The following SHTN1 variants were observed in gnomAD, a reference collection of about 807,000 sequenced individuals.
SHTN1 encodes shootin-1.
A neutral mutation model predicts 83.1 loss-of-function variants in SHTN1; 42 were observed. The ratio of observed to expected loss-of-function variants is 0.51; its 90% confidence interval spans 0.39 to 0.65. The LOEUF is 0.65. SHTN1 is among the 30% of genes least tolerant of loss of function. The pLI is 0.00. For missense variants in SHTN1, 622 were observed against 737.8 expected, an observed-to-expected ratio of 0.84 and a Z score of 1.82; for synonymous variants, 224 against 247.7, an observed-to-expected ratio of 0.90 and a Z score of 0.90.
In SHTN1 at chr10:116,917,874, A is replaced by G. The variant is rs561682223; in HGVS notation, c.1196-2390T>C. ...AAAGGCTTAATTGGTTTTAAGGAAA[A>G]GGAATCATTCTTATCAGATTCCCTA... On this transcript the variant is annotated intron_variant, in intron 12 of 16. Coordinates refer to ENST00000355371, the MANE Select transcript of SHTN1 (RefSeq NM_001127211.3). 3.9e-5 allele frequency among the ~76,000 whole-genome samples: 6 copies of G among 152,328 alleles called. No homozygotes were observed. In the East Asian group the frequency reaches 1.2e-3, roughly 29 times the overall value.
chr10:117,092,045 C>T (rs1416565130), intron 1 of SHTN1, among the ~76,000 whole-genome samples: 1 of 152,150 alleles, frequency 6.6e-6, no homozygotes, highest in Non-Finnish European at 1.5e-5. Flanking sequence ...ATGAGGAAAA[C>T]GTCTAAACTA....
chr10:116,929,416 TTAGACACCAAAGATGAAGGTAGTA>T (rs1462718200), intron 10 of SHTN1, among the ~76,000 whole-genome samples: 8 of 152,218 alleles, frequency 5.3e-5, no homozygotes, highest in African/African-American at 1.9e-4. Flanking sequence ...ATGTGTATTA[TTAGACACCAAAGATGAAGGTAGTA>T]TGAACACCAA....
At chr10:116,939,023 G>A (rs1195556049) in intron 9 of SHTN1, among the ~76,000 whole-genome samples, 1 of 152,198 alleles carries the variant, frequency 6.6e-6, no homozygotes, top group African/African-American at 2.4e-5. Flanking sequence ...CCCCCACCAA[G>A]CTCGAGTGTC....
At chr10:117,118,728 G>A (rs1853884914) in intron 1 of SHTN1, among the ~76,000 whole-genome samples, 1 of 152,150 alleles carries the variant, frequency 6.6e-6, no homozygotes, top group Admixed American at 6.5e-5. Flanking sequence ...GCTGAATGAT[G>A]AGAACACATG....
At chr10:117,016,725 T>A (rs929721034) in intron 2 of SHTN1, among the ~76,000 whole-genome samples, 1 of 152,072 alleles carries the variant, frequency 6.6e-6, no homozygotes, top group African/African-American at 2.4e-5. Flanking sequence ...CCTTAATATA[T>A]CAGTTGCACT....
intron 15 of SHTN1, among the ~76,000 whole-genome samples, chr10:116,904,017 G>A (rs1421473076): frequency 6.6e-6 from 1 of 152,178 alleles, no homozygotes; most frequent in Non-Finnish European, 1.5e-5. Context: ...AAAATCCTAA[G>A]GAAAAGGGTA....
chr10:116,905,357 T>A (rs998188418), intron 15 of SHTN1, among the ~76,000 whole-genome samples: 30 of 152,106 alleles, frequency 2.0e-4, no homozygotes, highest in African/African-American at 6.5e-4. Flanking sequence ...AAAACCATCC[T>A]AAGAAAAAAA....
intron 11 of SHTN1, among the ~76,000 whole-genome samples, chr10:116,924,972 G>C (rs1043105974): frequency 6.5e-4 from 99 of 151,920 alleles, no homozygotes; most frequent in Non-Finnish European, 1.1e-3. Flanking sequence ...TAGCCAGGAT[G>C]GTCTCAATCT....
intron 16 of SHTN1, among the ~76,000 whole-genome samples, chr10:116,893,742 T>C (rs1294110260): frequency 6.6e-6 from 1 of 152,098 alleles, no homozygotes; most frequent in Non-Finnish European, 1.5e-5. Context: ...CAAACCTCTC[T>C]TAAGGAATGG....
chr10:116,981,542 C>A (rs2133485685), intron 1 of SHTN1, among the ~76,000 whole-genome samples: 1 of 152,228 alleles, frequency 6.6e-6, no homozygotes, highest in Admixed American at 6.5e-5. Context: ...TTCACTTACA[C>A]CACCACTGGG....
intron 16 of SHTN1, among the ~76,000 whole-genome samples, chr10:116,893,237 G>GA (rs199982355): frequency 6.6e-5 from 10 of 151,778 alleles, no homozygotes; most frequent in African/African-American, 1.7e-4. Flanking sequence ...GCGGGGGAAG[G>GA]AAAAAAAATG....
At chr10:117,040,944 T>G (rs1010130418) in intron 2 of SHTN1, among the ~76,000 whole-genome samples, 2 of 151,894 alleles carry the variant, frequency 1.3e-5, no homozygotes, top group Non-Finnish European at 2.9e-5. Context: ...TATTTTATTT[T>G]ATCTTAAAAT....
intron 2 of SHTN1, among the ~76,000 whole-genome samples, chr10:116,976,605 G>A (rs1413560863): frequency 3.3e-5 from 5 of 152,166 alleles, no homozygotes; most frequent in Non-Finnish European, 7.3e-5. Context: ...AGCTCACCCA[G>A]CCAGGCACAA....
intron 1 of SHTN1, among the ~76,000 whole-genome samples, chr10:117,101,365 T>C (rs1183650557): frequency 2.0e-5 from 3 of 152,134 alleles, no homozygotes; most frequent in African/African-American, 7.2e-5. Flanking sequence ...AAAAAGGTTT[T>C]CTGTCACAAG....
chr10:116,924,629 C>T (rs1848675755), intron 11 of SHTN1, among the ~76,000 whole-genome samples: 1 of 151,964 alleles, frequency 6.6e-6, no homozygotes, highest in Non-Finnish European at 1.5e-5. Context: ...ACCTCTGGGA[C>T]CCATACTCAA....
At chr10:117,008,839 C>T (rs879554822), upstream of SHTN1, among the ~76,000 whole-genome samples, 12 of 152,332 alleles carry the variant, frequency 7.9e-5, no homozygotes, top group Admixed American at 1.3e-4. Context: ...ATTGGCCGGG[C>T]GCTGTGGCTC....
At chr10:117,105,423 A>T (rs1297126564) in intron 1 of SHTN1, among the ~76,000 whole-genome samples, 1 of 152,208 alleles carries the variant, frequency 6.6e-6, no homozygotes, top group Admixed American at 6.5e-5. Context: ...TTAGTTAAGC[A>T]GATTAGGAAT....
chr10:117,023,320 A>G (rs1249104969), intron 2 of SHTN1, among the ~76,000 whole-genome samples: 1 of 152,212 alleles, frequency 6.6e-6, no homozygotes, highest in Non-Finnish European at 1.5e-5. Flanking sequence ...ATGGTCCCAA[A>G]TAAATTTTAG....
At position 117,098,222 on chromosome 10, in the gene SHTN1, A is replaced by T. The variant is rs1479012659; in HGVS notation, c.-189+28085T>A. Among the ~76,000 whole-genome samples the T allele has an allele frequency of 8.3e-5, 4 of 48,462 alleles. No individual in the cohort carries two copies. The East Asian group carries it at 2.3e-3, about 28-fold the overall frequency. 31.8% of individuals were successfully genotyped at this position (48,462 alleles called of 152,430 possible). A position where few individuals can be genotyped will look rare whatever the true frequency, so the allele number is the denominator to read the frequency against. On this transcript the variant is annotated intron_variant, in intron 1 of 17. Transcript: ENST00000392901. ...GCTAACACGGTGAAATCCCGTCTCT[A>T]CTAAAAAAAAAAAAAAAAAAAAAAA... is the stretch of plus-strand genomic sequence containing the variant.
Sources: allele counts gnomAD v4.1 joint callset (sites outside exome capture counted in the v4.1 genomes callset), GRCh38; gene constraint gnomAD v4.1.1; transcripts MANE v1.5; gene names NCBI Gene and HGNC (gene_info 2026-07-23, HGNC 2026-07-21).